GOSR2: variants seen among roughly 807,000 people sequenced by gnomAD.
The protein encoded by GOSR2 is golgi SNAP receptor complex member 2.
Under a neutral mutation model 27.9 loss-of-function variants are expected in GOSR2, and 20 were observed. That is an observed-to-expected ratio of 0.72 (90% CI 0.50 to 1.04). GOSR2 has a LOEUF of 1.04. Among genes scored for constraint, GOSR2 ranks in the 50% least tolerant of loss-of-function variants. The pLI is 0.00. For missense variants in GOSR2, 261 were observed against 270.5 expected, an observed-to-expected ratio of 0.97 and a Z score of 0.25; for synonymous variants, 91 against 98.8, an observed-to-expected ratio of 0.92 and a Z score of 0.47.
chr17:46,970,535 CAAAAAAAAA>C (rs58781204), downstream of GOSR2, among the ~76,000 whole-genome samples: 1 of 51,168 alleles, frequency 2.0e-5, no homozygotes, highest in Non-Finnish European at 3.8e-5. Flanking sequence ...GACTCCATCT[CAAAAAAAAA>C]AAAAAAAAAA....
chr17:46,973,803 G>A (rs991550495), intron 6 of GOSR2, among the ~76,000 whole-genome samples: 3 of 147,444 alleles, frequency 2.0e-5, no homozygotes, highest in Non-Finnish European at 4.6e-5. Context: ...TATTAAATGT[G>A]TGTGCATGCG....
At chr17:46,931,815 C>T in intron 3 of GOSR2, 1 of 556,118 alleles carries the variant, frequency 1.8e-6, no homozygotes, top group Non-Finnish European at 3.2e-6. Flanking sequence ...TGTCATGCAT[C>T]CAGAATCAGA....
chr17:46,932,516 G>C lies in GOSR2; in HGVS notation c.336+317G>C, dbSNP rs148873504. The C allele has an allele frequency of 2.2e-4, 126 of 576,158 alleles. 1 individual carries two copies. Among genetic ancestry groups the C allele is most frequent in the African/African-American group, 1.6e-3 (85 of 53,662 alleles). 35.7% of individuals were successfully genotyped at this position (576,158 alleles called of 1,614,324 possible). A position where few individuals can be genotyped will look rare whatever the true frequency, so the allele number is the denominator to read the frequency against. On this transcript the variant is annotated intron_variant, in intron 4 of 5. Transcript: ENST00000640051. ...GTGGAAACGTTTTTCTGATCAGATAGAGACAGATGATTAGAACTTAGGCCA... is the reference window on the plus strand; with the variant it reads ...GTGGAAACGTTTTTCTGATCAGATACAGACAGATGATTAGAACTTAGGCCA...
chr17:46,966,529 T>G (rs1233361178), intron 6 of GOSR2: 2 of 690,494 alleles, frequency 2.9e-6, no homozygotes, highest in African/African-American at 3.5e-5. Context: ...TTGTATTTTT[T>G]GCAGAGACAA....
At chr17:46,966,369 T>C (rs1407012609) in intron 6 of GOSR2, among the ~76,000 whole-genome samples, 2 of 152,306 alleles carry the variant, frequency 1.3e-5, no homozygotes, top group Middle Eastern at 3.4e-3. Flanking sequence ...TTGTGTGACC[T>C]CCTCACACCT....
downstream of GOSR2, among the ~76,000 whole-genome samples, chr17:46,945,843 A>G (rs979008951): frequency 2.6e-5 from 4 of 152,196 alleles, no homozygotes; most frequent in Non-Finnish European, 5.9e-5. Context: ...TGTGAATGTC[A>G]AAAGGTAAAA....
At chr17:46,936,082 A>G in intron 5 of GOSR2, 1 of 985,810 alleles carries the variant, frequency 1.0e-6, no homozygotes, top group African/African-American at 1.7e-5. Context: ...GGCAAGCTGC[A>G]AGTGACACTC....
chr17:46,931,759 A>G (rs547551741), intron 3 of GOSR2: 23 of 453,784 alleles, frequency 5.1e-5, no homozygotes, highest in Non-Finnish European at 2.8e-5. Flanking sequence ...TAATCCATAG[A>G]AGGTCAAGAA....
intron 6 of GOSR2, among the ~76,000 whole-genome samples, chr17:46,974,548 C>T (rs993785658): frequency 2.9e-4 from 44 of 152,116 alleles, no homozygotes; most frequent in Admixed American, 6.5e-4. Flanking sequence ...TCCTGGCTAA[C>T]ACGGTGAAAC....
intron 6 of GOSR2, among the ~76,000 whole-genome samples, chr17:46,953,722 A>G (rs1042281762): frequency 1.6e-3 from 243 of 152,272 alleles, no homozygotes; most frequent in African/African-American, 5.5e-3. Flanking sequence ...CTTTTTAATG[A>G]TCGCCATTCT....
Position 46,941,900 on chromosome 17 carries a change from G to T in GOSR2, c.*3140G>T. On this transcript the variant is annotated 3_prime_UTR_variant, in exon 6 of 6. Coordinates refer to ENST00000640051, the MANE Select transcript of GOSR2 (RefSeq NM_004287.5). Reference sequence around the variant, plus strand: ...TGTACCTGGCCTCTAAGGTGATTCTGATGTGTGTATTTTGGAACCACTGTC... The same window carrying T: ...TGTACCTGGCCTCTAAGGTGATTCTTATGTGTGTATTTTGGAACCACTGTC... 1 of 984,118 alleles carries T rather than the reference G, an allele frequency of 1.0e-6. No individual in the cohort carries two copies. Among genetic ancestry groups the T allele is most frequent in the Non-Finnish European group, 1.2e-6 (1 of 828,812 alleles). 61.0% of individuals were successfully genotyped at this position (984,118 alleles called of 1,614,324 possible).
At position 46,939,120 on chromosome 17, in the gene GOSR2, A is replaced by G; in HGVS notation, c.*360A>G. Reference sequence around the variant, plus strand: ...GAGCCCTGTGTGCAGGACTGTCCACACGGTTCACACCTTGTCACCATCAGG... The same window carrying G: ...GAGCCCTGTGTGCAGGACTGTCCACGCGGTTCACACCTTGTCACCATCAGG... On this transcript the variant is annotated 3_prime_UTR_variant, in exon 6 of 6. Coordinates refer to ENST00000640051, the MANE Select transcript of GOSR2 (RefSeq NM_004287.5). The G allele has an allele frequency of 8.4e-7, 1 of 1,183,820 alleles. No individual in the cohort carries two copies. The highest frequency in any genetic ancestry group is 1.1e-6 in the Non-Finnish European group (1 of 939,880). The allele number at this position is 1,183,820 out of a possible 1,614,324, so 73.3% of individuals were successfully genotyped here. A position where few individuals can be genotyped will look rare whatever the true frequency, so the allele number is the denominator to read the frequency against.
Position 46,939,869 on chromosome 17 carries a change from A to G in GOSR2, c.*1109A>G. 6.1e-6 allele frequency: 6 copies of G among 986,224 alleles called. No homozygotes were observed. The highest frequency in any genetic ancestry group is 7.3e-6 in the Non-Finnish European group (6 of 827,068). The allele number at this position is 986,224 out of a possible 1,614,324, so 61.1% of individuals were successfully genotyped here. ...GGCCAATCTGTCCTGAAGTCCATCT[A>G]ATGTGGTGAATCACTGAAAGTCTCA... On this transcript the variant is annotated 3_prime_UTR_variant, in exon 6 of 6. Transcript: ENST00000640051.
Position 46,940,772 on chromosome 17 carries a change from T to A in GOSR2, c.*2012T>A. 5 of 1,525,156 alleles carry A rather than the reference T, an allele frequency of 3.3e-6. No individual in the cohort carries two copies. The highest frequency in any genetic ancestry group is 1.8e-6 in the Non-Finnish European group (2 of 1,138,306). 94.5% of individuals were successfully genotyped at this position (1,525,156 alleles called of 1,614,324 possible). On this transcript the variant is annotated 3_prime_UTR_variant, in exon 6 of 6. Transcript: ENST00000640051. ...GCACCTTCAGAGCCAGTCCTCTAGT[T>A]TGGAATAAAAATTGCAGAGGTGGTT...
At chr17:46,943,462 G>A (rs932126469), downstream of GOSR2, among the ~76,000 whole-genome samples, 2 of 152,142 alleles carry the variant, frequency 1.3e-5, no homozygotes, top group Non-Finnish European at 2.9e-5. Flanking sequence ...TGCACAAGAT[G>A]TTTCCTCTCA....
Position 46,938,699 on chromosome 17 carries a change from TGATAGGTGG to T in GOSR2, c.582_590del (p.Ile194_Gly196del). On this transcript the variant is annotated inframe_deletion, in exon 6 of 6. Coordinates refer to ENST00000640051, the MANE Select transcript of GOSR2 (RefSeq NM_004287.5). Reference sequence around the variant, plus strand: ...CGGGCTTTCCAGGACAAGTACTTTATGATAGGTGGGATGCTGCTGACCTGTGTGGTCATG... The same window carrying T: ...CGGGCTTTCCAGGACAAGTACTTTATGATGCTGCTGACCTGTGTGGTCATG... 1 of 1,613,880 alleles carries T rather than the reference TGATAGGTGG, an allele frequency of 6.2e-7. No individual in the cohort carries two copies. The highest frequency in any genetic ancestry group is 1.1e-5 in the South Asian group (1 of 91,054).
At chr17:46,965,949 TATGTC>T (rs2091299911) in intron 6 of GOSR2, among the ~76,000 whole-genome samples, 1 of 152,128 alleles carries the variant, frequency 6.6e-6, no homozygotes, top group Non-Finnish European at 1.5e-5. Context: ...TTTTCTTTAA[TATGTC>T]CTGCTGTTTA....
chr17:46,923,245 C>G lies in GOSR2; in HGVS notation c.29+24C>G, dbSNP rs771767913. ...AAGTGAGGGCCGGTCGGGGAGCGGG[C>G]AGGGGCTAGACGAGGCGAGGCCAGG... On this transcript the variant is annotated intron_variant, in intron 1 of 5. Transcript: ENST00000640051. The G allele has an allele frequency of 2.8e-5, 44 of 1,550,690 alleles. No homozygotes were observed. The South Asian group carries it at 5.2e-4, about 18-fold the overall frequency.
chr17:46,943,423 A>G (rs1398515892), downstream of GOSR2, among the ~76,000 whole-genome samples: 1 of 152,056 alleles, frequency 6.6e-6, no homozygotes, highest in Non-Finnish European at 1.5e-5. Flanking sequence ...TTCTCAGAAC[A>G]TGCCACACAC....
Sources: allele counts gnomAD v4.1 joint callset (sites outside exome capture counted in the v4.1 genomes callset), GRCh38; gene constraint gnomAD v4.1.1; transcripts MANE v1.5; gene names NCBI Gene and HGNC (gene_info 2026-07-23, HGNC 2026-07-21).